Variants in COQ3 observed in about 807,000 individuals in gnomAD.
COQ3 encodes ubiquinone biosynthesis O-methyltransferase, mitochondrial.
A neutral mutation model predicts 33.1 loss-of-function variants in COQ3; 29 were observed. The ratio of observed to expected loss-of-function variants is 0.88; its 90% CI spans 0.65 to 1.19. COQ3 has a LOEUF of 1.19. COQ3 is among the 50% of genes most tolerant of loss of function. The probability of loss-of-function intolerance (pLI) is 0.00; values close to 1 mark genes in which losing one functional copy is unlikely to be tolerated. For missense variants in COQ3, 437 were observed against 430.7 expected (o/e 1.01, Z -0.13); for synonymous variants, 173 against 157.8 (o/e 1.10, Z -0.72).
chr6:99,380,038 C>T (rs1562205583), intron 3 of COQ3, 151 bp downstream of exon 3: 1 of 654,244 alleles, frequency 1.5e-6, no homozygotes. Context: ...TGGTTTCAAA[C>T]AGTGGTAATT....
intron 3 of COQ3, among the ~76,000 whole-genome samples, chr6:99,378,634 A>G (rs1774375531): frequency 6.6e-6 from 1 of 152,152 alleles, no homozygotes; most frequent in Admixed American, 6.5e-5. Context: ...CCCTGATGAG[A>G]CGTGATAATT....
intron 1 of COQ3, among the ~76,000 whole-genome samples, chr6:99,393,463 A>C (rs1774884737): frequency 6.6e-6 from 1 of 152,192 alleles, no homozygotes. Flanking sequence ...CCCAGTGCTC[A>C]TACCAGTGTC....
At chr6:99,377,619 T>C in intron 3 of COQ3, 134 bp from the exon 4 acceptor site, 1 of 534,510 alleles carries the variant, frequency 1.9e-6, no homozygotes, top group Non-Finnish European at 3.2e-6. Context: ...AAATAGATCT[T>C]TCAACATTGA....
intron 4 of COQ3, among the ~76,000 whole-genome samples, chr6:99,376,964 A>G (rs1279173628): frequency 1.4e-5 from 2 of 146,160 alleles, no homozygotes; most frequent in African/African-American, 2.5e-5. Context: ...ACTCTGTCTC[A>G]AAAAAAAAAG....
At chr6:99,369,922 A>G in intron 6 of COQ3, 102 bp from the exon 7 acceptor site, 1 of 739,906 alleles carries the variant, frequency 1.4e-6, no homozygotes, top group Non-Finnish European at 2.3e-6. Flanking sequence ...CTGAGAGCAC[A>G]CTAAATGGAT....
intron 3 of COQ3, among the ~76,000 whole-genome samples, chr6:99,379,171 C>T (rs1237692199): frequency 6.6e-6 from 1 of 152,040 alleles, no homozygotes; most frequent in Admixed American, 6.6e-5. Flanking sequence ...GCCCCTCATA[C>T]TAAATCTTAA....
chr6:99,383,152 AAC>A (rs1286897703), intron 2 of COQ3: 1 of 152,224 alleles, frequency 6.6e-6, no homozygotes, highest in Non-Finnish European at 1.5e-5. Context: ...AACAACAAAA[AAC>A]AGAGTTCAAG....
intron 2 of COQ3, among the ~76,000 whole-genome samples, chr6:99,380,578 T>C (rs1269397917): frequency 1.3e-5 from 2 of 152,140 alleles, no homozygotes; most frequent in Admixed American, 6.6e-5. Context: ...AACAGAACTT[T>C]ATAAAACTTA....
intron 1 of COQ3, among the ~76,000 whole-genome samples, chr6:99,390,737 C>T (rs991915146): frequency 7.2e-5 from 11 of 152,268 alleles, no homozygotes; most frequent in African/African-American, 2.2e-4. Flanking sequence ...CTGTGTCACC[C>T]GGGCTGGACT....
chr6:99,386,043 AATC>A (rs57383259), intron 1 of COQ3, among the ~76,000 whole-genome samples: 52,559 of 150,170 alleles, frequency 0.35, 10,023 homozygotes, highest in East Asian at 0.78. Flanking sequence ...AAAGGCCTCG[AATC>A]AACAATCTAA....
At chr6:99,388,249 A>G (rs1774712768) in intron 1 of COQ3, among the ~76,000 whole-genome samples, 1 of 152,212 alleles carries the variant, frequency 6.6e-6, no homozygotes, top group Non-Finnish European at 1.5e-5. Context: ...GTTTCTATAT[A>G]TTAACAATGA....
intron 1 of COQ3, among the ~76,000 whole-genome samples, chr6:99,388,506 C>G (rs1313727665): frequency 6.7e-6 from 1 of 149,588 alleles, no homozygotes; most frequent in African/African-American, 2.5e-5. Flanking sequence ...TCTCAATAGC[C>G]TTTTTTTTTT....
intron 6 of COQ3, among the ~76,000 whole-genome samples, chr6:99,370,344 C>CTTT: frequency 0.29 from 28,725 of 100,746 alleles, 4,711 homozygotes; most frequent in South Asian, 0.48. Context: ...CTTTTCTTTA[C>CTTT]TTTTTTTTTT....
chr6:99,382,397 T>A (rs1427630209), intron 2 of COQ3, among the ~76,000 whole-genome samples: 2 of 152,154 alleles, frequency 1.3e-5, no homozygotes. Context: ...ACATTTTTAT[T>A]AAGTTTGTTT....
At chr6:99,391,060 C>A (rs1338217739) in intron 1 of COQ3, among the ~76,000 whole-genome samples, 2 of 149,838 alleles carry the variant, frequency 1.3e-5, no homozygotes, top group East Asian at 3.9e-4. Flanking sequence ...GTTCATGTGT[C>A]TAGGCTTTTG....
chr6:99,390,117 C>T (rs1204204172), intron 1 of COQ3, among the ~76,000 whole-genome samples: 2 of 152,054 alleles, frequency 1.3e-5, no homozygotes, highest in Non-Finnish European at 2.9e-5. Context: ...CGTCTCAAAA[C>T]GACAACAACT....
intron 5 of COQ3, among the ~76,000 whole-genome samples, chr6:99,372,124 C>T (rs763923184): frequency 1.7e-4 from 26 of 151,968 alleles, no homozygotes; most frequent in Non-Finnish European, 1.0e-4. Context: ...AAAGAGTGGC[C>T]GGCCGTGGTG....
chr6:99,388,743 G>T (rs755281887), intron 1 of COQ3, among the ~76,000 whole-genome samples: 1 of 152,064 alleles, frequency 6.6e-6, no homozygotes, highest in Non-Finnish European at 1.5e-5. Context: ...AGCTACTCAG[G>T]AGGCTGAGGC....
intron 1 of COQ3, among the ~76,000 whole-genome samples, chr6:99,391,618 CA>C (rs1243762408): frequency 6.6e-6 from 1 of 152,082 alleles, no homozygotes; most frequent in Non-Finnish European, 1.5e-5. Flanking sequence ...TACGGACAGA[CA>C]ACCCTTGATC....
Sources: allele counts gnomAD v4.1 joint callset (sites outside exome capture counted in the v4.1 genomes callset), GRCh38; gene constraint gnomAD v4.1.1; transcripts MANE v1.5; gene names NCBI Gene and HGNC (gene_info 2026-07-23, HGNC 2026-07-21).